Variants in DNMT1 observed in about 807,000 individuals in gnomAD.
DNMT1 encodes the protein DNA methyltransferase 1, also known as DNA (cytosine-5)-methyltransferase 1.
In DNMT1, 24 loss-of-function variants were observed where a neutral mutation model predicts 205.3. That is an observed-to-expected ratio of 0.12 (90% confidence interval 0.08 to 0.16). DNMT1 has a LOEUF of 0.16. Ranked by LOEUF, DNMT1 falls within the 10% of genes least tolerant of loss-of-function variation. The probability of loss-of-function intolerance (pLI) is 1.00; values close to 1 mark genes in which losing one functional copy is unlikely to be tolerated. For synonymous variants in DNMT1, 817 were observed against 839.8 expected (o/e 0.97, Z 0.47); for missense variants, 1,293 against 2,177.7 (o/e 0.59, Z 8.09).
intron 1 of DNMT1, among the ~76,000 whole-genome samples, chr19:10,185,018 G>A (rs367659395): frequency 5.3e-5 from 8 of 152,324 alleles, no homozygotes; most frequent in Middle Eastern, 6.8e-3. Flanking sequence ...CACCAGCGCC[G>A]CTCACATATG....
At position 10,175,631 on chromosome 19, in the gene DNMT1, G is replaced by A. The variant is rs535186120; in HGVS notation, c.570-13C>T. 1 of 1,613,986 alleles carries A rather than the reference G, an allele frequency of 6.2e-7. No homozygotes were observed. The highest frequency in any genetic ancestry group is 1.7e-5 in the Admixed American group (1 of 60,002). On this transcript the variant is annotated splice_polypyrimidine_tract_variant and intron_variant, in intron 6 of 40. Coordinates refer to ENST00000359526, the MANE Select transcript of DNMT1 (RefSeq NM_001130823.3). ...CCGTTTGGCAGGGCTGTCACACACA[G>A]TGAGGCCAACCATTAGTGGAACAAG... is the stretch of plus-strand genomic sequence containing the variant.
At position 10,153,781 on chromosome 19, in the gene DNMT1, G is replaced by A. The variant is rs75027660; in HGVS notation, c.2019+512C>T. Among the ~76,000 whole-genome samples, 888 of 152,280 alleles carry A rather than the reference G, an allele frequency of 5.8e-3. 18 individuals carry two copies. Among genetic ancestry groups the A allele is most frequent in the East Asian group, 0.034 (177 of 5,196 alleles). On this transcript the variant is annotated intron_variant, in intron 22 of 40. Coordinates refer to ENST00000359526, the MANE Select transcript of DNMT1 (RefSeq NM_001130823.3). Reference sequence around the variant, plus strand: ...TAAGAGATGCCAGCGGGGATCAAAAGCAAAGCCCTGAAGCCAGTCTTTATC... The same window carrying A: ...TAAGAGATGCCAGCGGGGATCAAAAACAAAGCCCTGAAGCCAGTCTTTATC...
chr19:10,154,878 G>T lies in DNMT1; in HGVS notation c.1644+27C>A. ...AAGGCAAGTTTCCAGTGGGAATCCC[G>T]GATGCTGAGGACCCTCGATCTCTTA... is the stretch of plus-strand genomic sequence containing the variant. On this transcript the variant is annotated intron_variant, in intron 20 of 40. Transcript: ENST00000359526. The surrounding 1 kb of genome is among the most constrained non-coding windows in gnomAD (Gnocchi z 6.3). The T allele has an allele frequency of 4.3e-6, 7 of 1,614,202 alleles. No homozygotes were observed. Among genetic ancestry groups the T allele is most frequent in the Non-Finnish European group, 5.9e-6 (7 of 1,180,046 alleles).
chr19:10,173,033 T>C (rs780712131), intron 9 of DNMT1, 57 bp downstream of exon 9: 56 of 1,602,124 alleles, frequency 3.5e-5, no homozygotes, highest in African/African-American at 1.2e-4. Context: ...TGGAAGGAAA[T>C]TGGGACCATA....
At chr19:10,183,003 GTGTGTATATATACATATATA>G (rs1284277838) in intron 1 of DNMT1, among the ~76,000 whole-genome samples, 10 of 146,914 alleles carry the variant, frequency 6.8e-5, no homozygotes, top group Middle Eastern at 3.6e-3. Flanking sequence ...ACACGTATAT[GTGTGTATATATACATATATA>G]TGTGTATATA....
rs758465656 is a variant in DNMT1 at position 10,149,456 on chromosome 19, C to T, written c.2583G>A (p.Met861Ile). The stretch of plus-strand genomic sequence containing the variant: ...ACGAGGGACACCAGGCACTCACCTC[C>T]ATGGCCCAGTTTTCGGAGGGGGCTT... Reference protein sequence around the residue: ...IYKAPSENWAMEGGMDPESLL... With the variant: ...IYKAPSENWAIEGGMDPESLL... Residue 861 changes from methionine (M) to isoleucine (I), a missense_variant, in exon 26 of 41, where the codon ATG (methionine) becomes ATA (isoleucine). Physicochemically the swap from Met to Ile is conservative, Grantham distance 10. This residue lies in a region of DNMT1 where 197 missense variants were observed against 353.6 expected (regional missense o/e 0.56). Coordinates refer to ENST00000359526, the MANE Select transcript of DNMT1 (RefSeq NM_001130823.3). 1 of 1,614,158 alleles carries T rather than the reference C, an allele frequency of 6.2e-7. No individual in the cohort carries two copies. The highest frequency in any genetic ancestry group is 1.1e-5 in the South Asian group (1 of 91,076).
chr19:10,165,734 T>C (rs562196367), intron 11 of DNMT1, among the ~76,000 whole-genome samples: 22 of 152,240 alleles, frequency 1.4e-4, no homozygotes, highest in Admixed American at 2.6e-4. Flanking sequence ...GCTGGCAGTG[T>C]GAGCTCAGGC....
chr19:10,156,601 T>C lies in DNMT1; in HGVS notation c.1281-92A>G, dbSNP rs2038462346. ...GATCAGGCACGAGGCAATGAGAGAA[T>C]GTACAAGTCTGACACTCTTTTTTTG... On this transcript the variant is annotated intron_variant, in intron 17 of 40. Coordinates refer to ENST00000359526, the MANE Select transcript of DNMT1 (RefSeq NM_001130823.3). This position sits in a 1 kb window ranked among gnomAD's most constrained non-coding sequence, Gnocchi z 4.2. 2.2e-6 allele frequency: 2 copies of C among 892,494 alleles called. No homozygotes were observed. Among genetic ancestry groups the C allele is most frequent in the South Asian group, 1.3e-5 (1 of 75,720 alleles). The allele number at this position is 892,494 out of a possible 1,614,324, so 55.3% of individuals were successfully genotyped here. A position where few individuals can be genotyped will look rare whatever the true frequency, so the allele number is the denominator to read the frequency against.
chr19:10,167,978 T>C (rs2038729927), intron 10 of DNMT1, among the ~76,000 whole-genome samples: 1 of 151,950 alleles, frequency 6.6e-6, no homozygotes, highest in African/African-American at 2.4e-5. Context: ...CGAAAATTAG[T>C]TGGGCATGGT....
intron 7 of DNMT1, among the ~76,000 whole-genome samples, chr19:10,174,954 C>T (rs2145363875): frequency 6.6e-6 from 1 of 151,008 alleles, no homozygotes; most frequent in Admixed American, 6.6e-5. Context: ...ACTCGGGAGG[C>T]TGAAGCAGGA....
rs779777304 is a variant in DNMT1 at position 10,148,989 on chromosome 19, T to C, written c.2615A>G (p.Glu872Gly). 22 of 1,613,924 alleles carry C rather than the reference T, an allele frequency of 1.4e-5. No individual in the cohort carries two copies. In the South Asian group the frequency reaches 2.1e-4, roughly 15 times the overall value. ...EGGMDPESLLEGDDGKTYFYQ... is the reference protein window; with the variant it reads ...EGGMDPESLLGGDDGKTYFYQ... ...GAAGTAGGTCTTCCCGTCGTCCCCC[T>C]CCAGCAGGGACTCGGGATCCATGCC... Residue 872 changes from glutamate (E) to glycine (G), a missense_variant, in exon 27 of 41, where the codon GAG (glutamate) becomes GGG (glycine). Transcript: ENST00000359526.
At chr19:10,194,647 C>T (rs2039369222) in intron 1 of DNMT1, 173 bp downstream of exon 1, 2 of 872,532 alleles carry the variant, frequency 2.3e-6, no homozygotes, top group African/African-American at 1.8e-5. Context: ...AGCCCGGGCA[C>T]GCGCGACCGG....
intron 1 of DNMT1, among the ~76,000 whole-genome samples, chr19:10,186,904 C>T (rs1599406766): frequency 2.0e-5 from 3 of 149,918 alleles, no homozygotes; most frequent in Admixed American, 2.0e-4. Context: ...ATACAGCTCA[C>T]GCCTGCGGGA....
chr19:10,133,963 G>A lies in DNMT1; in HGVS notation c.4864+254C>T, dbSNP rs887663131. On this transcript the variant is annotated intron_variant, in intron 40 of 40. Transcript: ENST00000359526. The surrounding 1 kb of genome is among the most constrained non-coding windows in gnomAD (Gnocchi z 4.1). ...AGCCAAATTCACCGAGCAGGAGTGA[G>A]GGAAACGGCCCCAGGGCCAGCCCAG... Among the ~76,000 whole-genome samples the A allele has an allele frequency of 6.6e-6, 1 of 152,262 alleles. No homozygotes were observed. The highest frequency in any genetic ancestry group is 6.5e-5 in the Admixed American group (1 of 15,282).
At position 10,137,786 on chromosome 19, in the gene DNMT1, C is replaced by T; in HGVS notation, c.4293+46G>A. ...CAGGCTGACTGTTCCCACGAGGCTG[C>T]TGGGCTGGGCCTCGAGGAGGAGCCG... On this transcript the variant is annotated intron_variant, in intron 36 of 40. Transcript: ENST00000359526. The surrounding 1 kb of genome is among the most constrained non-coding windows in gnomAD (Gnocchi z 6.4). The T allele has an allele frequency of 6.3e-7, 1 of 1,597,628 alleles. No homozygotes were observed. The highest frequency in any genetic ancestry group is 8.5e-7 in the Non-Finnish European group (1 of 1,172,876).
Position 10,137,703 on chromosome 19 carries a change from C to T in DNMT1, c.4293+129G>A, listed in dbSNP as rs150800179. 147 of 1,297,004 alleles carry T rather than the reference C, an allele frequency of 1.1e-4. No homozygotes were observed. The East Asian group carries it at 3.6e-3, about 32-fold the overall frequency. The allele number at this position is 1,297,004 out of a possible 1,614,324, so 80.3% of individuals were successfully genotyped here. A position where few individuals can be genotyped will look rare whatever the true frequency, so the allele number is the denominator to read the frequency against. On this transcript the variant is annotated intron_variant, in intron 36 of 40. Coordinates refer to ENST00000359526, the MANE Select transcript of DNMT1 (RefSeq NM_001130823.3). This position sits in a 1 kb window ranked among gnomAD's most constrained non-coding sequence, Gnocchi z 6.4. Reference sequence around the variant, plus strand: ...AGAGAGACCAGGGGTCACACAAAGGCTGAGGACTCGGGAGGAGGAGCCTGG... The same window carrying T: ...AGAGAGACCAGGGGTCACACAAAGGTTGAGGACTCGGGAGGAGGAGCCTGG...
chr19:10,136,087 G>A (rs1182532998), intron 38 of DNMT1, 34 bp downstream of exon 38: 3 of 1,613,340 alleles, frequency 1.9e-6, no homozygotes, highest in Middle Eastern at 1.6e-4. Context: ...TACAGGGCCT[G>A]ACCCAGGCCC....
chr19:10,137,642 G>T lies in DNMT1; in HGVS notation c.4293+190C>A. ...TGACACCATTCCAGACCAAGTCCAGGACTGCGGGAGCTCTGACACTTCCCA... is the reference window on the plus strand; with the variant it reads ...TGACACCATTCCAGACCAAGTCCAGTACTGCGGGAGCTCTGACACTTCCCA... On this transcript the variant is annotated intron_variant, in intron 36 of 40. Transcript: ENST00000359526. This position sits in a 1 kb window ranked among gnomAD's most constrained non-coding sequence, Gnocchi z 6.4. The T allele has an allele frequency of 1.2e-6, 1 of 826,536 alleles. No individual in the cohort carries two copies. Among genetic ancestry groups the T allele is most frequent in the Non-Finnish European group, 1.9e-6 (1 of 518,960 alleles). 51.2% of individuals were successfully genotyped at this position (826,536 alleles called of 1,614,324 possible).
chr19:10,180,911 G>A, intron 2 of DNMT1, 26 bp from the exon 3 acceptor site: 5 of 1,592,276 alleles, frequency 3.1e-6, no homozygotes, highest in Non-Finnish European at 4.3e-6. Context: ...AGGTTTAGCA[G>A]TACCCACATT....
Sources: gnomAD v4.1 joint callset for allele counts (sites outside exome capture counted in the v4.1 genomes callset) on GRCh38, gnomAD v4.1.1 for gene constraint, gnomAD v4.1.1 regional missense constraint, Gnocchi (gnomAD v3.1) non-coding constraint, MANE v1.5 for transcripts, NCBI Gene and HGNC (gene_info 2026-07-23, HGNC 2026-07-21) for gene names.